The following MPPE1 variants were observed in gnomAD, a reference collection of about 807,000 sequenced individuals.
MPPE1 encodes the protein metallophosphoesterase 1.
In MPPE1, 28 loss-of-function variants were observed where a neutral mutation model predicts 43.8. That is an observed-to-expected ratio of 0.64 (90% CI 0.47 to 0.88). MPPE1 has a LOEUF of 0.88. MPPE1 is among the 40% of genes least tolerant of loss of function. MPPE1 has a pLI of 0.00. For missense variants in MPPE1, 428 were observed against 492.2 expected (o/e 0.87, Z 1.23); for synonymous variants, 159 against 188.5 (o/e 0.84, Z 1.28).
Position 11,884,454 on chromosome 18 carries a change from C to T in MPPE1, c.1182G>A (p.Lys394=). The change falls in exon 11 of 11, where the codon AAG becomes AAA. Residue 394 remains lysine (K), a synonymous_variant. Transcript: ENST00000588072. ...TAATGGCGCCTGCTCTTCATCTTGT[C>T]TTACGCTTTCCGAGCAAGTTCAAAC... The part of the protein sequence containing the change: ...LSGLNLLGKR[K]TR The T allele has an allele frequency of 2.5e-6, 4 of 1,614,006 alleles. No homozygotes were observed. The highest frequency in any genetic ancestry group is 3.4e-6 in the Non-Finnish European group (4 of 1,179,964).
chr18:11,895,543 CT>C (rs10714864), intron 3 of MPPE1, among the ~76,000 whole-genome samples: 55,964 of 146,750 alleles, frequency 0.38, 12,004 homozygotes, highest in African/African-American at 0.59. Context: ...TTTTATTTTA[CT>C]TTTTTTTTTT....
chr18:11,885,856 T>G, intron 9 of MPPE1, 40 bp from the exon 10 acceptor site: 1 of 1,566,874 alleles, frequency 6.4e-7, no homozygotes, highest in Non-Finnish European at 8.7e-7. Context: ...GGCTGTTAGC[T>G]CATCCTCAAC....
At position 11,891,542 on chromosome 18, in the gene MPPE1, T is replaced by C. The variant is rs1294747740; in HGVS notation, c.390+1926A>G. On this transcript the variant is annotated intron_variant, in intron 4 of 10. Coordinates refer to ENST00000588072, the MANE Select transcript of MPPE1 (RefSeq NM_023075.6). ...ATAACAGACATAGAAAAACATAAAA[T>C]GTTGCCCTTAATTTGGAAAAGCAAC... 4 of 152,200 alleles carry C rather than the reference T, an allele frequency of 2.6e-5. No individual in the cohort carries two copies. The East Asian group carries it at 7.7e-4, about 29-fold the overall frequency. 9.4% of individuals were successfully genotyped at this position (152,200 alleles called of 1,614,324 possible). A position where few individuals can be genotyped will look rare whatever the true frequency, so the allele number is the denominator to read the frequency against.
intron 2 of MPPE1, among the ~76,000 whole-genome samples, chr18:11,898,335 G>A (rs924917447): frequency 1.3e-5 from 2 of 152,122 alleles, no homozygotes; most frequent in Non-Finnish European, 2.9e-5. Flanking sequence ...ACCTCCCAAA[G>A]TGCTGGGATT....
In MPPE1 at chr18:11,888,819, A is replaced by C. The variant is rs371697428; in HGVS notation, c.495-76T>G. On this transcript the variant is annotated intron_variant, in intron 5 of 10. Transcript: ENST00000588072. ...ACTCCTAGAGTCATCATGAACACAA[A>C]ATAACTTTCAACACTTGAGTTTCAG... The C allele has an allele frequency of 3.1e-5, 24 of 761,910 alleles. 1 individual carries two copies. Among genetic ancestry groups the C allele is most frequent in the East Asian group, 6.1e-5 (2 of 32,610 alleles). 47.2% of individuals were successfully genotyped at this position (761,910 alleles called of 1,614,324 possible).
Position 11,883,223 on chromosome 18 carries a change from CT to C in MPPE1, c.*1221del, listed in dbSNP as rs199642108. Reference sequence around the variant, plus strand: ...TTTTATCTCATCACCGTCTTACTGCCTCCCCATCCACTGTCTCATAAAGCCC... The same window carrying C: ...TTTTATCTCATCACCGTCTTACTGCCCCCCATCCACTGTCTCATAAAGCCC... On this transcript the variant is annotated 3_prime_UTR_variant, in exon 11 of 11. Transcript: ENST00000588072. The C allele has an allele frequency of 7.2e-6, 1 of 138,810 alleles. No homozygotes were observed. Among genetic ancestry groups the C allele is most frequent in the East Asian group, 2.7e-4 (1 of 3,760 alleles). The allele number at this position is 138,810 out of a possible 1,614,324, so 8.6% of individuals were successfully genotyped here. A position where few individuals can be genotyped will look rare whatever the true frequency, so the allele number is the denominator to read the frequency against.
chr18:11,885,092 T>C, intron 10 of MPPE1: 1 of 1,240,442 alleles, frequency 8.1e-7, no homozygotes, highest in Middle Eastern at 2.2e-4. Context: ...TCTTTGCAGA[T>C]ACTTTTATGT....
chr18:11,887,241 G>C (rs978091244), intron 6 of MPPE1, among the ~76,000 whole-genome samples: 2 of 152,146 alleles, frequency 1.3e-5, no homozygotes, highest in African/African-American at 4.8e-5. Context: ...CGATCGAAGG[G>C]TTTTTGACCC....
intron 6 of MPPE1, 70 bp from the exon 7 acceptor site, chr18:11,887,095 GA>G: frequency 8.7e-7 from 1 of 1,154,104 alleles, no homozygotes. Flanking sequence ...CTGTTCCCAT[GA>G]AAAGAAAGCT....
Position 11,887,032 on chromosome 18 carries a change from C to T in MPPE1, c.570-7G>A, listed in dbSNP as rs16976823. 93,209 of 1,603,314 alleles carry T rather than the reference C, an allele frequency of 0.058. 3,438 individuals are homozygous for T. Among genetic ancestry groups the T allele is most frequent in the African/African-American group, 0.16 (11,639 of 74,714 alleles). On this transcript the variant is annotated splice_polypyrimidine_tract_variant and splice_region_variant and intron_variant, in intron 6 of 10. Coordinates refer to ENST00000588072, the MANE Select transcript of MPPE1 (RefSeq NM_023075.6). ...GCTGTTGACCATCACAAAGCTGAAG[C>T]GGAGGGAAACGCAGGTGAGGCCGCT... is the stretch of plus-strand genomic sequence containing the variant.
chr18:11,885,590 A>G, intron 10 of MPPE1, 86 bp downstream of exon 10: 2 of 1,485,276 alleles, frequency 1.3e-6, no homozygotes, highest in Non-Finnish European at 1.8e-6. Context: ...GTAAATTTTG[A>G]CCGATTGCAG....
rs539290424 is a variant in MPPE1 at position 11,900,834 on chromosome 18, G to C, written c.-92-3478C>G. ...AGGCAGGAGAATGGCGTGAACCCAGGAGGCAAAGCCTGCAGTGAGCCGAGA... is the reference window on the plus strand; with the variant it reads ...AGGCAGGAGAATGGCGTGAACCCAGCAGGCAAAGCCTGCAGTGAGCCGAGA... On this transcript the variant is annotated intron_variant, in intron 2 of 10. Transcript: ENST00000588072. Among the ~76,000 whole-genome samples the C allele has an allele frequency of 1.1e-4, 16 of 150,818 alleles. No homozygotes were observed. In the East Asian group the frequency reaches 3.1e-3, roughly 29 times the overall value.
At chr18:11,892,267 A>G (rs568276541) in intron 4 of MPPE1, among the ~76,000 whole-genome samples, 413 of 151,672 alleles carry the variant, frequency 2.7e-3, no homozygotes, top group African/African-American at 9.4e-3. Context: ...TTGAACCCAG[A>G]AGGCGGAGGT....
In MPPE1 at chr18:11,893,701, T is replaced by G. The variant is rs1232407996; in HGVS notation, c.282-125A>C. 8.3e-6 allele frequency: 6 copies of G among 720,278 alleles called. No homozygotes were observed. The African/African-American group carries it at 8.9e-5, about 11-fold the overall frequency. 44.6% of individuals were successfully genotyped at this position (720,278 alleles called of 1,614,324 possible). A position where few individuals can be genotyped will look rare whatever the true frequency, so the allele number is the denominator to read the frequency against. ...TCTCCTTCTTCCAGAGCCCCACTCT[T>G]GCATTCCCATCCCTGGCTTGAAGGG... On this transcript the variant is annotated intron_variant, in intron 3 of 10. Coordinates refer to ENST00000588072, the MANE Select transcript of MPPE1 (RefSeq NM_023075.6).
intron 4 of MPPE1, 151 bp from the exon 5 acceptor site, chr18:11,889,641 C>T (rs2037739353): frequency 1.9e-6 from 1 of 519,160 alleles, no homozygotes; most frequent in African/African-American, 2.0e-5. Flanking sequence ...CTGCTCACTG[C>T]AACCTCCATC....
chr18:11,892,004 T>A (rs1567944927), intron 4 of MPPE1, among the ~76,000 whole-genome samples: 1 of 152,106 alleles, frequency 6.6e-6, no homozygotes, highest in South Asian at 2.1e-4. Flanking sequence ...AGCACTAAGT[T>A]GCCCAGGCTG....
chr18:11,896,942 T>G, intron 3 of MPPE1, 42 bp downstream of exon 3: 1 of 1,577,428 alleles, frequency 6.3e-7, no homozygotes, highest in Non-Finnish European at 8.6e-7. Flanking sequence ...TATACCGTTT[T>G]GCCTACAGAA....
intron 4 of MPPE1, among the ~76,000 whole-genome samples, chr18:11,890,405 G>A (rs181041449): frequency 1.8e-3 from 276 of 152,230 alleles, no homozygotes; most frequent in Non-Finnish European, 3.1e-3. Context: ...TGCCTCCAGT[G>A]TTCAAGTGAT....
intron 4 of MPPE1, among the ~76,000 whole-genome samples, chr18:11,890,679 G>C (rs2037897649): frequency 1.3e-5 from 2 of 152,168 alleles, no homozygotes; most frequent in African/African-American, 4.8e-5. Context: ...AAAAATATTT[G>C]GTTCATACAC....
Sources: allele counts gnomAD v4.1 joint callset (sites outside exome capture counted in the v4.1 genomes callset), GRCh38; gene constraint gnomAD v4.1.1; transcripts MANE v1.5; gene names NCBI Gene and HGNC (gene_info 2026-07-23, HGNC 2026-07-21).